MRPS22: variants seen among roughly 807,000 people sequenced by gnomAD.
MRPS22 encodes the protein small ribosomal subunit protein mS22.
MRPS22 carries 30 observed loss-of-function variants against 44.0 expected under a neutral mutation model. The observed-to-expected ratio is 0.68, with a 90% CI of 0.51 to 0.93. The LOEUF (loss-of-function observed/expected upper bound fraction) is 0.93. Among genes scored for constraint, MRPS22 ranks in the 40% least tolerant of loss-of-function variants. MRPS22 has a pLI of 0.00. For synonymous variants in MRPS22, 165 were observed against 154.4 expected, an observed-to-expected ratio of 1.07 and a Z score of -0.51; for missense variants, 447 against 447.8, an observed-to-expected ratio of 1.00 and a Z score of 0.02.
intron 1 of MRPS22, chr3:139,344,662 A>G (rs146296416): frequency 4.0e-5 from 28 of 698,574 alleles, no homozygotes; most frequent in African/African-American, 3.7e-4. Flanking sequence ...CATAGGGGAC[A>G]GTAGCAGATG....
intron 3 of MRPS22, chr3:139,349,346 C>G (rs977282999): frequency 2.2e-6 from 1 of 449,686 alleles, no homozygotes; most frequent in African/African-American, 2.0e-5. Flanking sequence ...GAAGTTTCAT[C>G]TATGTTATCT....
At chr3:139,346,427 A>C (rs1941039656) in intron 1 of MRPS22, among the ~76,000 whole-genome samples, 1 of 152,096 alleles carries the variant, frequency 6.6e-6, no homozygotes, top group Admixed American at 6.5e-5. Flanking sequence ...CCAGAACCAG[A>C]CAAACCTTGG....
chr3:139,346,897 G>A lies in MRPS22; in HGVS notation c.192G>A (p.Glu64=), dbSNP rs111713699. 2 of 1,614,120 alleles carry A rather than the reference G, an allele frequency of 1.2e-6. No individual in the cohort carries two copies. Among genetic ancestry groups the A allele is most frequent in the Non-Finnish European group, 1.7e-6 (2 of 1,180,002 alleles). Reference sequence around the variant, plus strand: ...TTTTAGCAGAATCTGGTAGCCCAGAGACCAAGAAACCTACATTTATGGATG... The same window carrying A: ...TTTTAGCAGAATCTGGTAGCCCAGAAACCAAGAAACCTACATTTATGGATG... ...SSEAAESGSP[E]TKKPTFMDEE... The change falls in exon 2 of 8, where the codon GAG becomes GAA. Residue 64 remains glutamate (E), a synonymous_variant. Coordinates refer to ENST00000680020, the MANE Select transcript of MRPS22 (RefSeq NM_020191.4).
chr3:139,348,502 T>C (rs1941088536), intron 3 of MRPS22, 178 bp downstream of exon 3: 1 of 650,144 alleles, frequency 1.5e-6, no homozygotes, highest in African/African-American at 1.8e-5. Context: ...CAGCCCCACA[T>C]CATGGTGTTA....
chr3:139,355,757 G>A lies in MRPS22; in HGVS notation c.954G>A (p.Lys318=), dbSNP rs1215852840. ...ATGGCCAGTCGGCTCAAGGGGCCAA[G>A]GATCAGGCTGCTGAGGGAATAAATT... ...HPDGQSAQGA[K]DQAAEGINLI... The change falls in exon 7 of 8, where the codon AAG becomes AAA. Residue 318 remains lysine (K), a synonymous_variant. Transcript: ENST00000680020. 6.2e-7 allele frequency: 1 copy of A among 1,614,022 alleles called. No homozygotes were observed. The highest frequency in any genetic ancestry group is 1.3e-5 in the African/African-American group (1 of 74,908).
Position 139,348,206 on chromosome 3 carries a change from C to T in MRPS22, c.386C>T (p.Pro129Leu). The T allele has an allele frequency of 1.2e-6, 2 of 1,614,108 alleles. No individual in the cohort carries two copies. The highest frequency in any genetic ancestry group is 1.7e-6 in the Non-Finnish European group (2 of 1,180,012). ...VEAAKVRLKMPPVLEERVPIN... is the reference protein window; with the variant it reads ...VEAAKVRLKMLPVLEERVPIN... ...GCAGCTAAAGTACGATTAAAAATGC[C>T]ACCAGTTCTGGAAGAGCGAGTACCA... is the stretch of plus-strand genomic sequence containing the variant. The change falls in exon 3 of 8, where the codon CCA (proline) becomes CTA (leucine). Residue 129 changes from proline to leucine, a missense_variant. Pro to Leu is a moderately conservative substitution (Grantham distance 98). Transcript: ENST00000680020.
intron 6 of MRPS22, 197 bp from the exon 7 acceptor site, chr3:139,355,485 G>A (rs577087919): frequency 1.4e-4 from 81 of 599,852 alleles, no homozygotes; most frequent in South Asian, 9.7e-4. Context: ...GCTGCCTCAC[G>A]GAGTTGGTGT....
At chr3:139,353,710 G>A (rs1560008456) in intron 6 of MRPS22, among the ~76,000 whole-genome samples, 1 of 152,148 alleles carries the variant, frequency 6.6e-6, no homozygotes, top group Non-Finnish European at 1.5e-5. Context: ...TGATTTCCAG[G>A]CTAGCCCATT....
Position 139,348,966 on chromosome 3 carries a change from T to C in MRPS22, c.504+642T>C, listed in dbSNP as rs560100090. On this transcript the variant is annotated intron_variant, in intron 3 of 7. Coordinates refer to ENST00000680020, the MANE Select transcript of MRPS22 (RefSeq NM_020191.4). ...AGTAAAGAATAAAAAGAGAATAGTT[T>C]ACAATTCAGCCCACAGAATACGTTA... 9.4e-4 allele frequency: 168 copies of C among 178,674 alleles called. 1 individual carries two copies. In the South Asian group the frequency reaches 0.013, roughly 14 times the overall value. The allele number at this position is 178,674 out of a possible 1,614,324, so 11.1% of individuals were successfully genotyped here. A position where few individuals can be genotyped will look rare whatever the true frequency, so the allele number is the denominator to read the frequency against.
Position 139,350,671 on chromosome 3 carries a change from A to AC in MRPS22, c.649-296dup, listed in dbSNP as rs5852942. Reference sequence around the variant, plus strand: ...TTGAACTCCTGACCTCGGGATTCGCACCCCCCCCCCGCAATCCGACTCCCA... The same window carrying AC: ...TTGAACTCCTGACCTCGGGATTCGCACCCCCCCCCCCGCAATCCGACTCCCA... On this transcript the variant is annotated intron_variant, in intron 4 of 7. Coordinates refer to ENST00000680020, the MANE Select transcript of MRPS22 (RefSeq NM_020191.4). The AC allele has an allele frequency of 5.3e-3, 1,867 of 354,640 alleles. 7 individuals are homozygous for AC. Among genetic ancestry groups the AC allele is most frequent in the African/African-American group, 0.021 (847 of 40,994 alleles). 22.0% of individuals were successfully genotyped at this position (354,640 alleles called of 1,614,324 possible).
intron 1 of MRPS22, among the ~76,000 whole-genome samples, chr3:139,345,273 ACTC>A (rs1941017565): frequency 6.6e-6 from 1 of 152,114 alleles, no homozygotes; most frequent in Admixed American, 6.6e-5. Flanking sequence ...TAAAGAGATT[ACTC>A]TGGTTGCTCT....
intron 7 of MRPS22, among the ~76,000 whole-genome samples, chr3:139,356,238 A>G (rs1321545146): frequency 1.3e-5 from 2 of 152,216 alleles, no homozygotes; most frequent in South Asian, 2.1e-4. Flanking sequence ...TGATGCTTGT[A>G]TATCATCAAG....
At chr3:139,349,193 G>T in intron 3 of MRPS22, 1 of 401,186 alleles carries the variant, frequency 2.5e-6, no homozygotes, top group Non-Finnish European at 4.8e-6. Flanking sequence ...GCAGTGCTGT[G>T]CATGTTGGTT....
At chr3:139,344,354 A>C (rs571433691) in intron 1 of MRPS22, among the ~76,000 whole-genome samples, 156 bp downstream of exon 1, 2 of 152,256 alleles carry the variant, frequency 1.3e-5, no homozygotes, top group South Asian at 2.1e-4. Context: ...GTTTGTCATC[A>C]CCTGCATATC....
chr3:139,356,942 G>C lies in MRPS22; in HGVS notation c.1011G>C (p.Gln337His), dbSNP rs753155170. 1 of 1,612,986 alleles carries C rather than the reference G, an allele frequency of 6.2e-7. No individual in the cohort carries two copies. The highest frequency in any genetic ancestry group is 8.5e-7 in the Non-Finnish European group (1 of 1,179,440). The stretch of plus-strand genomic sequence containing the variant: ...AGGTCTTTGCAAAAACAGAAGCACA[G>C]AAGGGAGCCTATATAGAACTAACAC... ...LIKVFAKTEA[Q>H]KGAYIELTLQ... is the part of the protein sequence containing the mutation. The change falls in exon 8 of 8, where the codon CAG becomes CAC. Residue 337 changes from glutamine to histidine, a missense_variant. Physicochemically the swap from Gln to His is conservative, Grantham distance 24 (BLOSUM62 0). Transcript: ENST00000680020.
chr3:139,344,008 C>T (rs770036999), upstream of MRPS22: 6 of 1,614,030 alleles, frequency 3.7e-6, no homozygotes, highest in East Asian at 1.1e-4. Flanking sequence ...ACTTCCGGCG[C>T]AAGTGGCTTC....
At chr3:139,354,557 G>A (rs1941209639) in intron 6 of MRPS22, among the ~76,000 whole-genome samples, 1 of 152,022 alleles carries the variant, frequency 6.6e-6, no homozygotes, top group Admixed American at 6.6e-5. Flanking sequence ...TTTTCCCCCT[G>A]AAAAGCTTTA....
chr3:139,355,606 G>C, intron 6 of MRPS22, 76 bp from the exon 7 acceptor site: 2 of 1,171,296 alleles, frequency 1.7e-6, no homozygotes, highest in Non-Finnish European at 2.6e-6. Context: ...TTAGTTTGAA[G>C]TTGGCACACA....
intron 7 of MRPS22, 142 bp downstream of exon 7, chr3:139,355,932 C>A: frequency 1.4e-6 from 1 of 729,552 alleles, no homozygotes. Context: ...TATGATTTGT[C>A]CCCATATTTC....
Sources: gnomAD v4.1 joint callset for allele counts (sites outside exome capture counted in the v4.1 genomes callset) on GRCh38, gnomAD v4.1.1 for gene constraint, MANE v1.5 for transcripts, NCBI Gene and HGNC (gene_info 2026-07-23, HGNC 2026-07-21) for gene names.